PGS1: variants seen among roughly 807,000 people sequenced by gnomAD.
PGS1 encodes phosphatidylglycerophosphate synthase 1.
Under a neutral mutation model 58.3 loss-of-function variants are expected in PGS1, and 44 were observed. The ratio of observed to expected loss-of-function variants is 0.75; its 90% CI spans 0.59 to 0.97. The LOEUF is 0.97. Among genes scored for constraint, PGS1 ranks in the 50% least tolerant of loss-of-function variants. The probability of loss-of-function intolerance (pLI) is 0.00; values close to 1 mark genes in which losing one functional copy is unlikely to be tolerated. For missense variants in PGS1, 684 were observed against 731.1 expected, an observed-to-expected ratio of 0.94 and a Z score of 0.74; for synonymous variants, 330 against 311.0, an observed-to-expected ratio of 1.06 and a Z score of -0.64.
At chr17:78,413,987 A>G (rs1567997430) in intron 7 of PGS1, among the ~76,000 whole-genome samples, 1 of 152,170 alleles carries the variant, frequency 6.6e-6, no homozygotes, top group African/African-American at 2.4e-5. Flanking sequence ...TTTCCCAGCA[A>G]AAAGGGGGAT....
intron 1 of PGS1, among the ~76,000 whole-genome samples, chr17:78,391,754 A>G (rs559611247): frequency 3.4e-4 from 52 of 152,300 alleles, no homozygotes; most frequent in Admixed American, 1.2e-3. Flanking sequence ...CTGGGATTAC[A>G]GGTGTGAGCC....
At chr17:78,413,522 C>T (rs535154725) in intron 7 of PGS1, among the ~76,000 whole-genome samples, 48 of 152,302 alleles carry the variant, frequency 3.2e-4, no homozygotes, top group African/African-American at 1.1e-3. Context: ...CCCACAGCCA[C>T]TCGCTCTTGC....
chr17:78,387,862 C>T (rs2082526019), intron 1 of PGS1, among the ~76,000 whole-genome samples: 1 of 152,124 alleles, frequency 6.6e-6, no homozygotes, highest in South Asian at 2.1e-4. Context: ...CCTCCTAAAG[C>T]ACTGGGATTA....
intron 7 of PGS1, among the ~76,000 whole-genome samples, chr17:78,412,167 A>G (rs2084770233): frequency 6.6e-6 from 1 of 152,056 alleles, no homozygotes; most frequent in Admixed American, 6.6e-5. Context: ...ATCTCACAGC[A>G]GCACCCCGTG....
chr17:78,413,162 G>A (rs1328943653), intron 7 of PGS1, among the ~76,000 whole-genome samples: 1 of 152,224 alleles, frequency 6.6e-6, no homozygotes, highest in East Asian at 1.9e-4. Context: ...GCTTTGATGT[G>A]GCCCTTGGAG....
At chr17:78,413,348 G>A (rs2084890675) in intron 7 of PGS1, among the ~76,000 whole-genome samples, 4 of 152,168 alleles carry the variant, frequency 2.6e-5, no homozygotes, top group East Asian at 1.9e-4. Flanking sequence ...TGGGTCCTTT[G>A]AAAGGGGTGT....
rs975741948 is a variant in PGS1, at chr17:78,392,516, GT to G, written c.186del (p.Gln64ArgfsTer47). 2 of 1,613,812 alleles carry G rather than the reference GT, an allele frequency of 1.2e-6. No homozygotes were observed. Among genetic ancestry groups the G allele is most frequent in the African/African-American group, 2.7e-5 (2 of 74,902 alleles). Reference sequence around the variant, plus strand: ...ATTGGCTCCCTTGCTGTCCCCAGCTGTTCCCCAGGTCACCTCCCCACCTTGC... The same window carrying G: ...ATTGGCTCCCTTGCTGTCCCCAGCTGTCCCCAGGTCACCTCCCCACCTTGC... Reference protein sequence around the residue: ...LLLAPLLSPAVPQVTSPPCCL... With the variant: ...LLLAPLLSPAXPQVTSPPCCL... On this transcript the variant is annotated frameshift_variant, in exon 2 of 10. Transcript: ENST00000262764. LOFTEE classifies it high-confidence loss of function.
At position 78,403,911 on chromosome 17, in the gene PGS1, C is replaced by T. The variant is rs749985325; in HGVS notation, c.1224C>T (p.Ile408=). 6 of 1,614,164 alleles carry T rather than the reference C, an allele frequency of 3.7e-6. No homozygotes were observed. In the Admixed American group the frequency reaches 1.0e-4, roughly 27 times the overall value. ...TGGGCACTCGGGCTGAGTACCAGAT[C>T]CTGCTGGCCTCACCAGAGGTGAATG... The part of the protein sequence containing the change: ...LVLGTRAEYQ[I]LLASPEVNGF... Residue 408 remains isoleucine, a synonymous_variant, in exon 7 of 10, where the codon ATC becomes ATT. Coordinates refer to ENST00000262764, the MANE Select transcript of PGS1 (RefSeq NM_024419.5).
At position 78,392,606 on chromosome 17, in the gene PGS1, G is replaced by T. The variant is rs1362205582; in HGVS notation, c.274G>T (p.Val92Phe). The T allele has an allele frequency of 2.5e-6, 4 of 1,614,082 alleles. No homozygotes were observed. The African/African-American group carries it at 5.3e-5, about 22-fold the overall frequency. Residue 92 changes from valine to phenylalanine, a missense_variant, in exon 2 of 10, where the codon GTC becomes TTC. Physicochemically the swap from Val to Phe is conservative, Grantham distance 50. Transcript: ENST00000262764. ...WIRNLVPEFG[V>F]SSSHVRVLSS... ...CAGAAACCTGGTTCCAGAATTTGGAGTCTCCAGTTCTCACGTTAGGGTGCT... is the reference window on the plus strand; with the variant it reads ...CAGAAACCTGGTTCCAGAATTTGGATTCTCCAGTTCTCACGTTAGGGTGCT...
chr17:78,391,635 G>C (rs1033062672), intron 1 of PGS1, among the ~76,000 whole-genome samples: 1 of 151,962 alleles, frequency 6.6e-6, no homozygotes. Flanking sequence ...ATACCACCAC[G>C]CCCGGCTAAT....
At chr17:78,419,723 C>T in intron 9 of PGS1, 48 bp downstream of exon 9, 1 of 1,603,628 alleles carries the variant, frequency 6.2e-7, no homozygotes, top group South Asian at 1.1e-5. Context: ...CGAGAGTTCA[C>T]AGGTGGGGCA....
intron 7 of PGS1, among the ~76,000 whole-genome samples, chr17:78,407,810 G>A (rs1285776668): frequency 6.6e-6 from 1 of 152,242 alleles, no homozygotes; most frequent in African/African-American, 2.4e-5. Context: ...GTGGCCCCAT[G>A]AGTGTGGTGA....
intron 1 of PGS1, among the ~76,000 whole-genome samples, chr17:78,387,428 T>A (rs887946019): frequency 6.6e-6 from 1 of 151,114 alleles, no homozygotes; most frequent in East Asian, 2.0e-4. Flanking sequence ...GCCTCCCGAG[T>A]AGCTGGGATT....
chr17:78,392,792 C>A, intron 2 of PGS1, 127 bp downstream of exon 2: 1 of 715,940 alleles, frequency 1.4e-6, no homozygotes, highest in Non-Finnish European at 2.3e-6. Flanking sequence ...TGGGTTTTAC[C>A]TGTCAGGTTT....
chr17:78,398,748 G>A (rs1016456921), intron 4 of PGS1, among the ~76,000 whole-genome samples: 8 of 152,224 alleles, frequency 5.3e-5, no homozygotes, highest in Non-Finnish European at 1.2e-4. Flanking sequence ...GTGATTTGGG[G>A]TTTGGCCGTG....
intron 1 of PGS1, among the ~76,000 whole-genome samples, chr17:78,386,912 C>T (rs879801826): frequency 2.0e-5 from 3 of 152,130 alleles, no homozygotes; most frequent in Non-Finnish European, 4.4e-5. Context: ...GAACTGGCTC[C>T]TTCTGTCCTG....
intron 7 of PGS1, among the ~76,000 whole-genome samples, chr17:78,409,996 G>A (rs745561672): frequency 2.0e-5 from 3 of 152,052 alleles, no homozygotes; most frequent in South Asian, 2.1e-4. Flanking sequence ...CTGTAATCCC[G>A]GCTACTCGGG....
chr17:78,415,297 G>A (rs2085082654), intron 8 of PGS1, among the ~76,000 whole-genome samples: 1 of 152,184 alleles, frequency 6.6e-6, no homozygotes, highest in Admixed American at 6.5e-5. Flanking sequence ...TTTTCTCCCT[G>A]GGACCTTTTC....
chr17:78,399,572 C>G, intron 5 of PGS1, 35 bp downstream of exon 5: 1 of 1,606,466 alleles, frequency 6.2e-7, no homozygotes, highest in Admixed American at 1.7e-5. Context: ...TTTTGCCCTC[C>G]TGCTCTGCAG....
Sources: gnomAD v4.1 joint callset for allele counts (sites outside exome capture counted in the v4.1 genomes callset) on GRCh38, gnomAD v4.1.1 for gene constraint, MANE v1.5 for transcripts, NCBI Gene and HGNC (gene_info 2026-07-23, HGNC 2026-07-21) for gene names.